DNAH14: variants seen among roughly 807,000 people sequenced by gnomAD.
DNAH14 encodes the protein axonemal beta dynein heavy chain 14.
A neutral mutation model predicts 520.9 loss-of-function variants in DNAH14; 478 were observed. That is an observed-to-expected ratio of 0.92 (90% CI 0.85 to 0.99). DNAH14 has a LOEUF of 0.99. Ranked by LOEUF, DNAH14 falls within the 50% of genes least tolerant of loss-of-function variation. DNAH14 has a pLI of 0.00. For synonymous variants in DNAH14, 1,581 were observed against 1,757.2 expected, an observed-to-expected ratio of 0.90 and a Z score of 2.51; for missense variants, 4,831 against 5,234.5, an observed-to-expected ratio of 0.92 and a Z score of 2.38.
chr1:225,124,932 T>A (rs1185207626), intron 27 of DNAH14, among the ~76,000 whole-genome samples: 3 of 152,208 alleles, frequency 2.0e-5, no homozygotes, highest in African/African-American at 7.2e-5. Context: ...ACAGAATGGA[T>A]GTTTTGTTAT....
At chr1:225,114,823 CTG>C (rs2076745757) in intron 23 of DNAH14, among the ~76,000 whole-genome samples, 1 of 152,182 alleles carries the variant, frequency 6.6e-6, no homozygotes, top group Non-Finnish European at 1.5e-5. Context: ...CATTCTCTCT[CTG>C]TGCCACAAGT....
chr1:225,237,967 G>C (rs944287952), intron 42 of DNAH14, among the ~76,000 whole-genome samples: 2 of 152,110 alleles, frequency 1.3e-5, no homozygotes, highest in African/African-American at 4.8e-5. Flanking sequence ...GCTTTATCAG[G>C]TTGGTTATGT....
rs1310702123 is a variant in DNAH14, at chr1:225,080,425, C to G, written c.2813C>G (p.Ala938Gly). 1 of 1,550,290 alleles carries G rather than the reference C, an allele frequency of 6.5e-7. No individual in the cohort carries two copies. The highest frequency in any genetic ancestry group is 8.7e-7 in the Non-Finnish European group (1 of 1,146,360). ...TGTGCTGGTACTCAAGTGTCAACAG[C>G]AATGGAAATGATCCAGACTCTCTCA... ...LLCAGTQVST[A>G]MEMIQTLSGE... Residue 938 changes from alanine (A) to glycine (G), a missense_variant, in exon 19 of 86, where the codon GCA becomes GGA. Coordinates refer to ENST00000682510, the MANE Select transcript of DNAH14 (RefSeq NM_001367479.1).
At position 225,335,567 on chromosome 1, in the gene DNAH14, G is replaced by GTACA. The variant is rs1408955070; in HGVS notation, c.10081-1697_10081-1696insCATA. On this transcript the variant is annotated intron_variant, in intron 66 of 85. Coordinates refer to ENST00000682510, the MANE Select transcript of DNAH14 (RefSeq NM_001367479.1). Reference sequence around the variant, plus strand: ...TACGTATATACATATGTACATCTATGTATATACGCATATGTGCATATATGT... The same window carrying GTACA: ...TACGTATATACATATGTACATCTATGTACATATATACGCATATGTGCATATATGT... Among the ~76,000 whole-genome samples, 53 of 60,042 alleles carry GTACA rather than the reference G, an allele frequency of 8.8e-4. 2 individuals are homozygous for GTACA. The highest frequency in any genetic ancestry group is 1.1e-3 in the African/African-American group (13 of 11,520). 39.4% of individuals were successfully genotyped at this position (60,042 alleles called of 152,430 possible).
chr1:225,345,892 G>A, intron 69 of DNAH14, 70 bp from the exon 70 acceptor site: 1 of 1,307,386 alleles, frequency 7.6e-7, no homozygotes, highest in Non-Finnish European at 1.0e-6. Flanking sequence ...CACAAAGAGT[G>A]CAGAGTGAGG....
intron 34 of DNAH14, among the ~76,000 whole-genome samples, chr1:225,155,847 G>A (rs1256641283): frequency 6.6e-6 from 1 of 152,048 alleles, no homozygotes; most frequent in Non-Finnish European, 1.5e-5. Flanking sequence ...GACTTCTGTG[G>A]TGCTTTATTT....
chr1:225,324,980 T>G (rs904805585), intron 64 of DNAH14, 148 bp downstream of exon 64: 8 of 397,988 alleles, frequency 2.0e-5, no homozygotes, highest in Non-Finnish European at 3.3e-5. Context: ...ATAATATTAT[T>G]GGTAATATTA....
intron 79 of DNAH14, among the ~76,000 whole-genome samples, chr1:225,378,326 G>T (rs540653669): frequency 1.6e-4 from 24 of 152,170 alleles, no homozygotes; most frequent in African/African-American, 5.8e-4. Context: ...GCAAATCTTT[G>T]CCCTCTGAAG....
rs1553337553 is a variant in DNAH14 at position 225,336,005 on chromosome 1, G to GTACATATATGTA, written c.10081-1259_10081-1258insCATATATGTATA. On this transcript the variant is annotated intron_variant, in intron 66 of 85. Coordinates refer to ENST00000682510, the MANE Select transcript of DNAH14 (RefSeq NM_001367479.1). ...TGTATATACACACATATGCATATATGTATACGCATATATGCATATATGTAT... is the reference window on the plus strand; with the variant it reads ...TGTATATACACACATATGCATATATGTACATATATGTATATACGCATATATGCATATATGTAT... 1.2e-4 allele frequency among the ~76,000 whole-genome samples: 10 copies of GTACATATATGTA among 83,266 alleles called. No individual in the cohort carries two copies. The East Asian group carries it at 2.0e-3, about 17-fold the overall frequency. The allele number at this position is 83,266 out of a possible 152,430, so 54.6% of individuals were successfully genotyped here.
intron 9 of DNAH14, among the ~76,000 whole-genome samples, chr1:225,004,483 A>C (rs1034872936): frequency 4.0e-4 from 61 of 152,218 alleles, no homozygotes; most frequent in African/African-American, 1.4e-3. Context: ...TAAATAAAGA[A>C]TATAAATGTG....
In DNAH14 at chr1:225,015,240, A is replaced by C. The variant is rs78220941; in HGVS notation, c.1107+7696A>C. ...GCATATAGTTGAGTCTTGTATTTTA[A>C]TCACTCAGCCAGTCCATGTCTTTTA... On this transcript the variant is annotated intron_variant, in intron 10 of 85. Coordinates refer to ENST00000682510, the MANE Select transcript of DNAH14 (RefSeq NM_001367479.1). 5.9e-5 allele frequency among the ~76,000 whole-genome samples: 9 copies of C among 152,250 alleles called. No individual in the cohort carries two copies. In the East Asian group the frequency reaches 1.7e-3, roughly 29 times the overall value.
At chr1:225,265,590 C>A (rs1387165650) in intron 48 of DNAH14, among the ~76,000 whole-genome samples, 1 of 152,078 alleles carries the variant, frequency 6.6e-6, no homozygotes, top group South Asian at 2.1e-4. Context: ...CCAAAAGAAG[C>A]TACTGAAATC....
intron 73 of DNAH14, among the ~76,000 whole-genome samples, chr1:225,357,067 A>T (rs1461630036): frequency 6.6e-6 from 1 of 152,180 alleles, no homozygotes; most frequent in Non-Finnish European, 1.5e-5. Context: ...AAAATATATT[A>T]GAAAGAAGCT....
chr1:225,336,651 A>G (rs2095061344), intron 66 of DNAH14, among the ~76,000 whole-genome samples: 1 of 152,214 alleles, frequency 6.6e-6, no homozygotes, highest in African/African-American at 2.4e-5. Flanking sequence ...CTATACCTGC[A>G]GCTGACACGT....
intron 31 of DNAH14, among the ~76,000 whole-genome samples, chr1:225,148,977 TGTTGCAA>T (rs2080223518): frequency 1.3e-5 from 2 of 152,234 alleles, no homozygotes. Context: ...TTTTTGCTTT[TGTTGCAA>T]TTGCTTTTGT....
chr1:225,276,969 GGAAGGAAGGAAGGA>G (rs2093484996), intron 53 of DNAH14, among the ~76,000 whole-genome samples: 1 of 56,502 alleles, frequency 1.8e-5, no homozygotes, highest in Non-Finnish European at 3.4e-5. Context: ...AAGGAAGGAA[GGAAGGAAGGAAGGA>G]AGGGAGGGAG....
chr1:225,256,359 C>T (rs7529762), intron 44 of DNAH14, among the ~76,000 whole-genome samples: 6,259 of 152,042 alleles, frequency 0.041, 404 homozygotes, highest in African/African-American at 0.14. Context: ...GGTAGAAAAC[C>T]GGAAGTAAAC....
intron 23 of DNAH14, among the ~76,000 whole-genome samples, chr1:225,114,845 G>T (rs951881965): frequency 6.6e-6 from 1 of 152,122 alleles, no homozygotes; most frequent in African/African-American, 2.4e-5. Flanking sequence ...TCCACCACAG[G>T]GGGTGGGGGA....
intron 75 of DNAH14, among the ~76,000 whole-genome samples, chr1:225,364,564 TA>T (rs1356476826): frequency 3.3e-5 from 5 of 151,464 alleles, no homozygotes; most frequent in African/African-American, 9.7e-5. Context: ...TTGCAATGAG[TA>T]TATGATCACT....
Sources: gnomAD v4.1 joint callset for allele counts (sites outside exome capture counted in the v4.1 genomes callset) on GRCh38, gnomAD v4.1.1 for gene constraint, MANE v1.5 for transcripts, NCBI Gene and HGNC (gene_info 2026-07-23, HGNC 2026-07-21) for gene names.